The following SAAL1 variants were observed in gnomAD, a reference collection of about 807,000 sequenced individuals.
The protein encoded by SAAL1 is serum amyloid A like 1.
A neutral mutation model predicts 59.8 loss-of-function variants in SAAL1; 42 were observed. The ratio of observed to expected loss-of-function variants is 0.70; its 90% CI spans 0.55 to 0.91. The LOEUF (loss-of-function observed/expected upper bound fraction) is 0.91, where lower values mean the gene tolerates loss of function less well. Ranked by LOEUF, SAAL1 falls within the 40% of genes least tolerant of loss-of-function variation. The pLI, the probability that SAAL1 is intolerant of heterozygous loss-of-function variation, is 0.00. For missense variants in SAAL1, 542 were observed against 561.1 expected, an observed-to-expected ratio of 0.97 and a Z score of 0.34; for synonymous variants, 191 against 194.3, an observed-to-expected ratio of 0.98 and a Z score of 0.14.
rs761385328 is a variant in SAAL1, at chr11:18,089,370, G to A, written c.730C>T (p.Arg244Trp). 6.3e-6 allele frequency: 10 copies of A among 1,592,898 alleles called. No individual in the cohort carries two copies. Among genetic ancestry groups the A allele is most frequent in the South Asian group, 3.4e-5 (3 of 87,224 alleles). ...QEESEEQPVF[R>W]LVPCILEAAK... ...GCTTCAAGTATACAGGGCACAAGCC[G>A]AAACACTGGCTGCTCTTCAGACTCT... The change falls in exon 7 of 12, where the codon CGG becomes TGG. Residue 244 changes from arginine to tryptophan, a missense_variant. Arg to Trp is a moderately radical substitution (Grantham distance 101). Transcript: ENST00000524803.
At chr11:18,090,325 C>CAAAAAA in intron 5 of SAAL1, 35 bp from the exon 6 acceptor site, 4 of 1,294,506 alleles carry the variant, frequency 3.1e-6, no homozygotes, top group South Asian at 1.5e-5. Context: ...TTCTACTTTT[C>CAAAAAA]AAAAAAAAAA....
intron 3 of SAAL1, among the ~76,000 whole-genome samples, chr11:18,096,338 G>A (rs563767285): frequency 3.9e-5 from 6 of 152,116 alleles, no homozygotes; most frequent in African/African-American, 1.4e-4. Context: ...CCAGCACTTT[G>A]GGAGGCCAAG....
chr11:18,098,874 A>G (rs1313248856), intron 2 of SAAL1, among the ~76,000 whole-genome samples: 2 of 152,256 alleles, frequency 1.3e-5, no homozygotes, highest in African/African-American at 4.8e-5. Flanking sequence ...ACCAACAGTA[A>G]TAAAATTAAC....
chr11:18,090,439 T>G lies in SAAL1; in HGVS notation c.468A>C (p.Thr156=). The G allele has an allele frequency of 3.1e-6, 5 of 1,607,178 alleles. No individual in the cohort carries two copies. The highest frequency in any genetic ancestry group is 3.4e-6 in the Non-Finnish European group (4 of 1,178,366). The part of the protein sequence containing the change: ...YDSDPPTLLE[T]SRLLLTCLSQ... ...TCATAAAAGGAAAAGCATACCTGCTTGTTTCCAGCAGAGTAGGTGGGTCTG... is the reference window on the plus strand; with the variant it reads ...TCATAAAAGGAAAAGCATACCTGCTGGTTTCCAGCAGAGTAGGTGGGTCTG... The change falls in exon 5 of 12, where the codon ACA becomes ACC. Residue 156 remains threonine (T), a synonymous_variant. Transcript: ENST00000524803.
chr11:18,092,686 T>C (rs887550821), intron 3 of SAAL1, among the ~76,000 whole-genome samples: 1 of 152,154 alleles, frequency 6.6e-6, no homozygotes, highest in Non-Finnish European at 1.5e-5. Context: ...GCGAATACTG[T>C]AGACAATAAA....
chr11:18,105,437 T>G (rs1848678850), intron 1 of SAAL1, among the ~76,000 whole-genome samples: 1 of 149,030 alleles, frequency 6.7e-6, no homozygotes, highest in African/African-American at 2.5e-5. Context: ...CCTCCCAAAG[T>G]GTTGGGATTA....
chr11:18,103,764 A>T (rs1431590728), intron 1 of SAAL1, among the ~76,000 whole-genome samples: 1 of 152,222 alleles, frequency 6.6e-6, no homozygotes, highest in African/African-American at 2.4e-5. Flanking sequence ...ATTATTATAA[A>T]ACAAAAATCT....
chr11:18,095,280 T>C (rs529279205), intron 3 of SAAL1, among the ~76,000 whole-genome samples: 1 of 152,342 alleles, frequency 6.6e-6, no homozygotes, highest in East Asian at 1.9e-4. Context: ...TAAGCTTATT[T>C]CTTTATATAC....
chr11:18,097,871 G>A (rs1349915685), intron 2 of SAAL1, among the ~76,000 whole-genome samples: 3 of 121,824 alleles, frequency 2.5e-5, no homozygotes, highest in African/African-American at 6.8e-5. Flanking sequence ...TTGGCTGGGC[G>A]AGGTGGCTCA....
At chr11:18,086,802 C>G in intron 9 of SAAL1, 64 bp downstream of exon 9, 1 of 1,121,660 alleles carries the variant, frequency 8.9e-7, no homozygotes. Flanking sequence ...GAAATGAAAG[C>G]ATTTTTTAAA....
intron 6 of SAAL1, 30 bp downstream of exon 6, chr11:18,090,145 A>AT (rs11424886): frequency 0.39 from 586,364 of 1,514,308 alleles, 115,186 homozygotes; most frequent in African/African-American, 0.52. Flanking sequence ...AATTTAAAAC[A>AT]TTTTTTTTCT....
At chr11:18,084,920 C>T (rs1848447550) in intron 9 of SAAL1, among the ~76,000 whole-genome samples, 2 of 152,082 alleles carry the variant, frequency 1.3e-5, no homozygotes. Context: ...CATGCGTCAC[C>T]AAGCCTGGCT....
intron 2 of SAAL1, 111 bp from the exon 3 acceptor site, chr11:18,096,965 G>C (rs1459395371): frequency 3.1e-6 from 2 of 652,976 alleles, no homozygotes; most frequent in Non-Finnish European, 5.3e-6. Context: ...GCCAGGCGCA[G>C]TGGCTGACAC....
At chr11:18,093,414 G>A (rs1254154020) in intron 3 of SAAL1, among the ~76,000 whole-genome samples, 2 of 152,156 alleles carry the variant, frequency 1.3e-5, no homozygotes, top group African/African-American at 4.8e-5. Context: ...ATTATAAATA[G>A]GGTTCAGTAC....
intron 7 of SAAL1, 35 bp from the exon 8 acceptor site, chr11:18,087,260 C>A (rs754247430): frequency 7.6e-7 from 1 of 1,323,884 alleles, no homozygotes. Flanking sequence ...GAATCAACAA[C>A]TTTACTGTCC....
chr11:18,098,634 A>G (rs1265789791), intron 2 of SAAL1, among the ~76,000 whole-genome samples: 3 of 152,260 alleles, frequency 2.0e-5, no homozygotes, highest in Admixed American at 2.0e-4. Flanking sequence ...AAGTGAAACC[A>G]GTAACCTGCC....
In SAAL1 at chr11:18,080,433, T is replaced by TC. The variant is rs1848397951; in HGVS notation, c.1390dup (p.Glu464GlyfsTer24). 3.1e-6 allele frequency: 5 copies of TC among 1,598,628 alleles called. No homozygotes were observed. Among genetic ancestry groups the TC allele is most frequent in the Non-Finnish European group, 4.3e-6 (5 of 1,176,348 alleles). On this transcript the variant is annotated frameshift_variant, in exon 12 of 12. Coordinates refer to ENST00000524803, the MANE Select transcript of SAAL1 (RefSeq NM_138421.3). LOFTEE classifies it high-confidence loss of function. ...AACCTTCAAACTTGGGAAGTTTTTT[T>TC]CCAAGTCATCAGCAAGCGCCTTATC...
chr11:18,104,879 C>A (rs1012797767), intron 1 of SAAL1, among the ~76,000 whole-genome samples: 7 of 151,964 alleles, frequency 4.6e-5, no homozygotes, highest in Non-Finnish European at 5.9e-5. Flanking sequence ...CATGAATAGC[C>A]CTGTCTTTAA....
chr11:18,092,544 G>C (rs1242009315), intron 3 of SAAL1, among the ~76,000 whole-genome samples: 3 of 152,170 alleles, frequency 2.0e-5, no homozygotes, highest in South Asian at 4.1e-4. Flanking sequence ...AAAGGCAGGA[G>C]CTATGCGAGA....
Sources: allele counts gnomAD v4.1 joint callset (sites outside exome capture counted in the v4.1 genomes callset), GRCh38; gene constraint gnomAD v4.1.1; transcripts MANE v1.5; gene names NCBI Gene and HGNC (gene_info 2026-07-23, HGNC 2026-07-21).